Variants in CACNA1C observed in about 807,000 individuals in gnomAD.
CACNA1C encodes calcium voltage-gated channel subunit alpha1 C.
A neutral mutation model predicts 229.0 loss-of-function variants in CACNA1C; 30 were observed. The observed-to-expected ratio is 0.13, with a 90% CI of 0.10 to 0.18. CACNA1C has a LOEUF of 0.18. CACNA1C is among the 10% of genes least tolerant of loss of function. CACNA1C has a pLI of 1.00. For synonymous variants in CACNA1C, 1,114 were observed against 1,132.5 expected, an observed-to-expected ratio of 0.98 and a Z score of 0.33; for missense variants, 1,658 against 2,845.0, an observed-to-expected ratio of 0.58 and a Z score of 9.49.
chr12:2,486,328 TGCTG>T lies in CACNA1C; in HGVS notation c.916+70_916+73del. ...CTATCGCTCCCAGCACCTTTCCCGC[TGCTG>T]GCTACACCAACATGACCAGCAGAGC... On this transcript the variant is annotated intron_variant, in intron 6 of 46. Transcript: ENST00000399655. The surrounding 1 kb of genome is among the most constrained non-coding windows in gnomAD (Gnocchi z 4.9). The T allele has an allele frequency of 7.2e-7, 1 of 1,383,444 alleles. No individual in the cohort carries two copies. The highest frequency in any genetic ancestry group is 1.0e-6 in the Non-Finnish European group (1 of 1,000,266). 85.7% of individuals were successfully genotyped at this position (1,383,444 alleles called of 1,614,324 possible).
At chr12:2,142,613 C>G (rs2094349798) in intron 3 of CACNA1C, among the ~76,000 whole-genome samples, 1 of 151,296 alleles carries the variant, frequency 6.6e-6, no homozygotes, top group African/African-American at 2.4e-5. Context: ...GGACATGCAG[C>G]TGTGTATTAT....
chr12:2,149,033 G>A lies in CACNA1C; in HGVS notation c.477+28603G>A, dbSNP rs1248667042. On this transcript the variant is annotated intron_variant, in intron 3 of 46. Coordinates refer to ENST00000399655, the MANE Select transcript of CACNA1C (RefSeq NM_000719.7). ...TGGGTCATCTGTAAAGACTTGGCAA[G>A]GGATGTCTTGCATCTGGGAAGATGT... 3.3e-5 allele frequency among the ~76,000 whole-genome samples: 5 copies of A among 152,132 alleles called. 1 individual carries two copies. The South Asian group carries it at 1.0e-3, about 32-fold the overall frequency.
chr12:2,636,456 A>G lies in CACNA1C; in HGVS notation c.3912+2076A>G, dbSNP rs192280213. 3.0e-3 allele frequency among the ~76,000 whole-genome samples: 457 copies of G among 152,346 alleles called. 2 individuals carry two copies. The highest frequency in any genetic ancestry group is 4.0e-3 in the Non-Finnish European group (272 of 68,036). ...TGTTGGGGATAGGGAGGGGGCCTGA[A>G]CCCGTCCAGCAGCTCCTGACATTGG... is the stretch of plus-strand genomic sequence containing the variant. On this transcript the variant is annotated intron_variant, in intron 30 of 46. Coordinates refer to ENST00000399655, the MANE Select transcript of CACNA1C (RefSeq NM_000719.7).
chr12:2,508,805 T>G (rs2099777304), intron 8 of CACNA1C, among the ~76,000 whole-genome samples: 1 of 150,828 alleles, frequency 6.6e-6, no homozygotes, highest in South Asian at 2.1e-4. Context: ...TATTAAAGGA[T>G]TTTTTCAAAA....
At chr12:2,464,139 C>A (rs911568564) in intron 5 of CACNA1C, among the ~76,000 whole-genome samples, 1 of 151,956 alleles carries the variant, frequency 6.6e-6, no homozygotes, top group African/African-American at 2.4e-5. Flanking sequence ...GGGTCTTTGA[C>A]GAAAACTCAG....
At chr12:2,171,740 A>G (rs758839229) in intron 3 of CACNA1C, among the ~76,000 whole-genome samples, 1 of 152,160 alleles carries the variant, frequency 6.6e-6, no homozygotes, top group Non-Finnish European at 1.5e-5. Context: ...AGTCAGTCAG[A>G]CTTTCAAATA....
At chr12:2,418,630 C>T (rs1476617189) in intron 3 of CACNA1C, among the ~76,000 whole-genome samples, 2 of 152,092 alleles carry the variant, frequency 1.3e-5, no homozygotes, top group African/African-American at 4.8e-5. Context: ...TGCATCATCC[C>T]GGGAAGGGCC....
rs557455661 is a variant in CACNA1C, at chr12:2,331,972, A to AT, written c.478-116996dup. On this transcript the variant is annotated intron_variant, in intron 3 of 46. Coordinates refer to ENST00000399655, the MANE Select transcript of CACNA1C (RefSeq NM_000719.7). ...TGAATCCTGAACTCCCTTTTATTAA[A>AT]TTTTTTTTGGTATAAAGGGCATGGG... is the stretch of plus-strand genomic sequence containing the variant. Among the ~76,000 whole-genome samples the AT allele has an allele frequency of 1.1e-3, 167 of 152,216 alleles. 3 individuals carry two copies. In the South Asian group the frequency reaches 0.034, roughly 31 times the overall value.
At chr12:2,498,004 A>ACACACACACACACACACAC (rs1598127973) in intron 7 of CACNA1C, among the ~76,000 whole-genome samples, 1 of 114,374 alleles carries the variant, frequency 8.7e-6, no homozygotes, top group East Asian at 3.7e-4. Context: ...CACACACACA[A>ACACACACACACACACACAC]CAGCTATTAA....
intron 29 of CACNA1C, among the ~76,000 whole-genome samples, chr12:2,625,934 G>A (rs1314206264): frequency 1.3e-5 from 2 of 152,240 alleles, no homozygotes; most frequent in African/African-American, 4.8e-5. Context: ...CTCCAGCCTG[G>A]ATGACAGAGT....
chr12:2,656,471 G>A (rs1184890742), intron 34 of CACNA1C, among the ~76,000 whole-genome samples: 1 of 152,104 alleles, frequency 6.6e-6, no homozygotes, highest in East Asian at 1.9e-4. Flanking sequence ...TTCATGGATT[G>A]GAATAATTAA....
intron 3 of CACNA1C, among the ~76,000 whole-genome samples, chr12:2,263,553 G>A (rs143482538): frequency 2.9e-4 from 44 of 152,102 alleles, no homozygotes; most frequent in African/African-American, 7.7e-4. Flanking sequence ...GAAGTGTGAC[G>A]GTCAGTCAGG....
At chr12:2,242,022 A>G (rs942607981) in intron 3 of CACNA1C, among the ~76,000 whole-genome samples, 3 of 151,932 alleles carry the variant, frequency 2.0e-5, no homozygotes, top group African/African-American at 7.3e-5. Flanking sequence ...TTGCAGCCTC[A>G]TTTCTTAGCT....
intron 13 of CACNA1C, among the ~76,000 whole-genome samples, chr12:2,580,562 T>G (rs2060130335): frequency 6.6e-6 from 1 of 152,204 alleles, no homozygotes; most frequent in Admixed American, 6.5e-5. Flanking sequence ...GCCATGTCCT[T>G]TTGCCATGGT....
At chr12:2,139,657 T>C (rs2093940566) in intron 3 of CACNA1C, among the ~76,000 whole-genome samples, 1 of 151,270 alleles carries the variant, frequency 6.6e-6, no homozygotes, top group South Asian at 2.1e-4. Flanking sequence ...TATAGCCGCC[T>C]GAGGGACCGT....
At position 2,118,360 on chromosome 12, in the gene CACNA1C, A is replaced by T. The variant is rs557217529; in HGVS notation, c.372-1965A>T. On this transcript the variant is annotated intron_variant, in intron 2 of 46. Coordinates refer to ENST00000399655, the MANE Select transcript of CACNA1C (RefSeq NM_000719.7). ...CTGGCCAGCCTGTGGGCTCGGTGTC[A>T]CTTTCCTAAGCAGGCGAGAAAAGGT... Among the ~76,000 whole-genome samples, 3 of 152,316 alleles carry T rather than the reference A, an allele frequency of 2.0e-5. No homozygotes were observed. In the South Asian group the frequency reaches 6.2e-4, roughly 32 times the overall value.
chr12:2,070,724 A>T (rs4765886), intron 1 of CACNA1C, among the ~76,000 whole-genome samples: 62,911 of 152,026 alleles, frequency 0.41, 13,670 homozygotes, highest in East Asian at 0.7. Flanking sequence ...TGTTAATTAC[A>T]TAGATTAAAA....
intron 3 of CACNA1C, among the ~76,000 whole-genome samples, chr12:2,284,401 A>G (rs2092267374): frequency 6.6e-6 from 1 of 152,040 alleles, no homozygotes. Context: ...GCTGCTGCCA[A>G]GATGGAATGA....
At chr12:2,237,855 G>T (rs1369156697) in intron 3 of CACNA1C, among the ~76,000 whole-genome samples, 2 of 152,206 alleles carry the variant, frequency 1.3e-5, no homozygotes, top group African/African-American at 4.8e-5. Flanking sequence ...ATTAACAAAT[G>T]TGCCGTCAGT....
Sources: allele counts gnomAD v4.1 joint callset (sites outside exome capture counted in the v4.1 genomes callset), GRCh38; gene constraint gnomAD v4.1.1; non-coding constraint Gnocchi (gnomAD v3.1); transcripts MANE v1.5; gene names NCBI Gene and HGNC (gene_info 2026-07-23, HGNC 2026-07-21).